Variants in UBXN2A observed in about 807,000 individuals in gnomAD.
The protein encoded by UBXN2A is UBX domain protein 2A, also known as UBX domain-containing protein 2A.
A neutral mutation model predicts 28.4 loss-of-function variants in UBXN2A; 28 were observed. The observed-to-expected ratio is 0.99, with a 90% CI of 0.73 to 1.35. The LOEUF (loss-of-function observed/expected upper bound fraction) is 1.35. Among genes scored for constraint, UBXN2A ranks in the 40% most tolerant of loss-of-function variants. The probability of loss-of-function intolerance (pLI) is 0.00; values close to 1 mark genes in which losing one functional copy is unlikely to be tolerated. For missense variants in UBXN2A, 253 were observed against 297.9 expected, an observed-to-expected ratio of 0.85 and a Z score of 1.11; for synonymous variants, 97 against 103.6, an observed-to-expected ratio of 0.94 and a Z score of 0.39.
chr2:23,973,310 C>T (rs4665649), intron 3 of UBXN2A, among the ~76,000 whole-genome samples: 68,060 of 150,580 alleles, frequency 0.45, 16,208 homozygotes, highest in East Asian at 0.78. Flanking sequence ...TGAGCCACCG[C>T]ACCTGGCCTG....
intron 1 of UBXN2A, among the ~76,000 whole-genome samples, chr2:23,950,085 T>G (rs1706290991): frequency 7.3e-6 from 1 of 136,158 alleles, no homozygotes; most frequent in African/African-American, 2.8e-5. Flanking sequence ...ACAGGAAATG[T>G]GTAAGTCATG....
At chr2:23,928,504 G>C (rs1705226970) in intron 1 of UBXN2A, among the ~76,000 whole-genome samples, 1 of 150,852 alleles carries the variant, frequency 6.6e-6, no homozygotes, top group African/African-American at 2.4e-5. Flanking sequence ...TTGAACCCGG[G>C]AGGCAGAGAT....
intron 1 of UBXN2A, among the ~76,000 whole-genome samples, chr2:23,934,083 G>A (rs1705454306): frequency 6.6e-6 from 1 of 152,038 alleles, no homozygotes; most frequent in African/African-American, 2.4e-5. Flanking sequence ...GGGTGTGGTG[G>A]TGCACGCCTG....
Position 23,993,224 on chromosome 2 carries a change from T to A in UBXN2A, c.585-6448T>A, listed in dbSNP as rs144944872. Among the ~76,000 whole-genome samples, 589 of 152,344 alleles carry A rather than the reference T, an allele frequency of 3.9e-3. 3 individuals carry two copies. Among genetic ancestry groups the A allele is most frequent in the African/African-American group, 0.014 (568 of 41,588 alleles). On this transcript the variant is annotated intron_variant, in intron 6 of 6. Transcript: ENST00000309033. ...ATGTAGAAATGGGAATGGGGATTTG[T>A]TATTCTGGCCCAAGCTTATTTGTTT... is the stretch of plus-strand genomic sequence containing the variant.
chr2:23,979,786 G>A lies in UBXN2A; in HGVS notation c.287+2711G>A, dbSNP rs1707821026. 2.0e-5 allele frequency among the ~76,000 whole-genome samples: 3 copies of A among 151,894 alleles called. No individual in the cohort carries two copies. In the South Asian group the frequency reaches 6.2e-4, roughly 32 times the overall value. Reference sequence around the variant, plus strand: ...AGGTCTTGCTGTGTTACCCAGGCTGGTCTCAAACTCCTGATCTCAAGCAAT... The same window carrying A: ...AGGTCTTGCTGTGTTACCCAGGCTGATCTCAAACTCCTGATCTCAAGCAAT... On this transcript the variant is annotated intron_variant, in intron 4 of 6. Coordinates refer to ENST00000309033, the MANE Select transcript of UBXN2A (RefSeq NM_181713.4).
chr2:23,944,598 A>G (rs1282422690), intron 1 of UBXN2A, among the ~76,000 whole-genome samples: 3 of 152,102 alleles, frequency 2.0e-5, no homozygotes, highest in Admixed American at 6.6e-5. Context: ...CAGCTTGCCT[A>G]ATCTGGGCCT....
intron 1 of UBXN2A, among the ~76,000 whole-genome samples, chr2:23,949,525 G>A (rs1226396102): frequency 6.6e-6 from 1 of 151,516 alleles, no homozygotes; most frequent in Admixed American, 6.6e-5. Context: ...TCCAGCCTGG[G>A]CAACAGAGCA....
At chr2:23,952,111 C>T (rs1174227968) in intron 1 of UBXN2A, among the ~76,000 whole-genome samples, 2 of 151,760 alleles carry the variant, frequency 1.3e-5, no homozygotes, top group East Asian at 1.9e-4. Context: ...GGACTACAAG[C>T]GCTCGCCATC....
intron 6 of UBXN2A, among the ~76,000 whole-genome samples, chr2:23,999,302 A>G (rs1176273580): frequency 6.6e-6 from 1 of 152,214 alleles, no homozygotes; most frequent in East Asian, 1.9e-4. Flanking sequence ...AATTCATAGT[A>G]CTAATTATCT....
At chr2:23,996,774 CTT>C (rs149952622) in intron 6 of UBXN2A, 10 of 136,576 alleles carry the variant, frequency 7.3e-5, no homozygotes, top group African/African-American at 8.1e-5. Flanking sequence ...CATGCCCAGA[CTT>C]TTTTTTTTTT....
Position 23,983,162 on chromosome 2 carries a change from T to A in UBXN2A, c.425+129T>A, listed in dbSNP as rs1707984653. 4 of 1,131,932 alleles carry A rather than the reference T, an allele frequency of 3.5e-6. No homozygotes were observed. The East Asian group carries it at 9.2e-5, about 26-fold the overall frequency. 70.1% of individuals were successfully genotyped at this position (1,131,932 alleles called of 1,614,324 possible). A position where few individuals can be genotyped will look rare whatever the true frequency, so the allele number is the denominator to read the frequency against. On this transcript the variant is annotated intron_variant, in intron 5 of 6. Coordinates refer to ENST00000309033, the MANE Select transcript of UBXN2A (RefSeq NM_181713.4). Reference sequence around the variant, plus strand: ...CTCCCATTGGAAATCAGATTTTTTTTAATGTTAATTTTTATGAGGACACAT... The same window carrying A: ...CTCCCATTGGAAATCAGATTTTTTTAAATGTTAATTTTTATGAGGACACAT...
At chr2:23,939,524 G>C (rs1473763403), upstream of UBXN2A, 1 of 152,578 alleles carries the variant, frequency 6.6e-6, no homozygotes, top group Non-Finnish European at 1.5e-5. Flanking sequence ...TTTCCCTGGG[G>C]TCCGTCTATT....
chr2:23,955,026 G>A (rs761549642), intron 1 of UBXN2A, among the ~76,000 whole-genome samples: 4 of 147,242 alleles, frequency 2.7e-5, no homozygotes, highest in Non-Finnish European at 4.5e-5. Flanking sequence ...TCCACCTCCC[G>A]GGTTCAGGCC....
intron 3 of UBXN2A, among the ~76,000 whole-genome samples, chr2:23,972,163 T>C (rs1000337189): frequency 6.6e-6 from 1 of 152,120 alleles, no homozygotes; most frequent in Non-Finnish European, 1.5e-5. Context: ...ATTGCAAAAG[T>C]AGTGGTGGGT....
intron 1 of UBXN2A, chr2:23,944,378 C>A: frequency 7.1e-7 from 1 of 1,399,730 alleles, no homozygotes; most frequent in South Asian, 1.2e-5. Context: ...GCATCATCTT[C>A]CTACACATTA....
chr2:23,962,241 A>G (rs1290653766), intron 2 of UBXN2A, among the ~76,000 whole-genome samples: 2 of 152,226 alleles, frequency 1.3e-5, no homozygotes, highest in African/African-American at 2.4e-5. Context: ...CACAGATGCA[A>G]ATCTTTCACC....
rs1353635020 is a variant in UBXN2A at position 23,971,389 on chromosome 2, T to C, written c.155T>C (p.Val52Ala). 6.4e-7 allele frequency: 1 copy of C among 1,560,966 alleles called. No homozygotes were observed. The highest frequency in any genetic ancestry group is 1.3e-5 in the African/African-American group (1 of 74,262). ...EEAQKVSSKCVSPAEQKKQVD... is the reference protein window; with the variant it reads ...EEAQKVSSKCASPAEQKKQVD... The stretch of plus-strand genomic sequence containing the variant: ...GCTCAGAAGGTTAGTTCCAAATGTG[T>C]GTCTCCCGCTGAACAGAAGAAACAG... The change falls in exon 3 of 7, where the codon GTG becomes GCG. Residue 52 changes from valine to alanine, a missense_variant. Transcript: ENST00000309033.
rs187466078 is a variant in UBXN2A, at chr2:23,968,523, A to T, written c.42-2753A>T. 6.2e-3 allele frequency among the ~76,000 whole-genome samples: 950 copies of T among 152,020 alleles called. 5 individuals carry two copies. The highest frequency in any genetic ancestry group is 0.022 in the African/African-American group (908 of 41,430). ...CCTGTCTCTACTGAAAATACAAAAA[A>T]TTAGCCAGGTGTGGTGGCGGGTGCC... On this transcript the variant is annotated intron_variant, in intron 2 of 6. Transcript: ENST00000309033.
At chr2:23,959,490 G>T (rs1220671204) in intron 2 of UBXN2A, among the ~76,000 whole-genome samples, 1 of 152,004 alleles carries the variant, frequency 6.6e-6, no homozygotes, top group Non-Finnish European at 1.5e-5. Context: ...AGACTCCTCC[G>T]TCTCAAAAAA....
Sources: allele counts gnomAD v4.1 joint callset (sites outside exome capture counted in the v4.1 genomes callset), GRCh38; gene constraint gnomAD v4.1.1; transcripts MANE v1.5; gene names NCBI Gene and HGNC (gene_info 2026-07-23, HGNC 2026-07-21).